The following ADAMTSL3 variants were observed in gnomAD, a reference collection of about 807,000 sequenced individuals.
ADAMTSL3 encodes the protein ADAMTS-like protein 3.
A neutral mutation model predicts 201.7 loss-of-function variants in ADAMTSL3; 128 were observed. The observed-to-expected ratio is 0.63, with a 90% CI of 0.55 to 0.73. The LOEUF (loss-of-function observed/expected upper bound fraction) is 0.73, where lower values mean the gene tolerates loss of function less well. Ranked by LOEUF, ADAMTSL3 falls within the 30% of genes least tolerant of loss-of-function variation. The probability of loss-of-function intolerance (pLI) is 0.00; values close to 1 mark genes in which losing one functional copy is unlikely to be tolerated. For synonymous variants in ADAMTSL3, 738 were observed against 748.4 expected (o/e 0.99, Z 0.23); for missense variants, 1,990 against 2,119.6 (o/e 0.94, Z 1.20).
At chr15:83,740,380 A>G (rs1190108386) in intron 3 of ADAMTSL3, among the ~76,000 whole-genome samples, 2 of 152,222 alleles carry the variant, frequency 1.3e-5, no homozygotes, top group Admixed American at 6.5e-5. Context: ...CACCAAATCT[A>G]TCCATTTGGA....
At chr15:83,979,360 T>C (rs2067345762) in intron 20 of ADAMTSL3, among the ~76,000 whole-genome samples, 1 of 152,238 alleles carries the variant, frequency 6.6e-6, no homozygotes, top group Non-Finnish European at 1.5e-5. Context: ...GAAAGGCCCA[T>C]AGCCAGACAG....
At chr15:83,780,308 G>A (rs1428381879) in intron 4 of ADAMTSL3, among the ~76,000 whole-genome samples, 1 of 151,864 alleles carries the variant, frequency 6.6e-6, no homozygotes, top group African/African-American at 2.4e-5. Flanking sequence ...TACTTGGGAG[G>A]CTGAGGCAGG....
At chr15:83,801,637 AATATATAAATATAAATAT>A (rs1279585484) in intron 4 of ADAMTSL3, among the ~76,000 whole-genome samples, 2 of 53,344 alleles carry the variant, frequency 3.7e-5, no homozygotes, top group African/African-American at 7.4e-5. Flanking sequence ...TATATATATA[AATATATAAATATAAATAT>A]ATATATATAT....
chr15:83,924,273 A>G (rs559407651), intron 17 of ADAMTSL3, among the ~76,000 whole-genome samples: 1 of 152,356 alleles, frequency 6.6e-6, no homozygotes, highest in African/African-American at 2.4e-5. Flanking sequence ...ACACGAATGA[A>G]CATAAACTGG....
chr15:83,758,587 A>C (rs1052998508), intron 3 of ADAMTSL3, among the ~76,000 whole-genome samples: 2 of 152,212 alleles, frequency 1.3e-5, no homozygotes, highest in African/African-American at 4.8e-5. Flanking sequence ...AATGGGTATG[A>C]AGTGGTATCT....
chr15:83,781,774 A>G (rs933167253), intron 4 of ADAMTSL3, among the ~76,000 whole-genome samples: 1 of 152,226 alleles, frequency 6.6e-6, no homozygotes, highest in African/African-American at 2.4e-5. Context: ...AAGGACATGA[A>G]CAGACATTTT....
intron 2 of ADAMTSL3, among the ~76,000 whole-genome samples, chr15:83,663,621 G>T (rs1335523727): frequency 6.6e-6 from 1 of 152,186 alleles, no homozygotes; most frequent in Non-Finnish European, 1.5e-5. Flanking sequence ...TCAGTTCTGT[G>T]TAGAGCTTTT....
chr15:83,691,378 G>C (rs2061605447), intron 2 of ADAMTSL3, among the ~76,000 whole-genome samples: 1 of 152,068 alleles, frequency 6.6e-6, no homozygotes, highest in Non-Finnish European at 1.5e-5. Context: ...GTAAGACCTG[G>C]AGACCTGAAA....
intron 4 of ADAMTSL3, among the ~76,000 whole-genome samples, chr15:83,780,252 A>G (rs2063145432): frequency 6.6e-6 from 1 of 152,052 alleles, no homozygotes; most frequent in Non-Finnish European, 1.5e-5. Context: ...TCTATTAAAA[A>G]TACAAAAATT....
At chr15:84,032,896 G>A (rs548239027) in intron 28 of ADAMTSL3, among the ~76,000 whole-genome samples, 1 of 152,120 alleles carries the variant, frequency 6.6e-6, no homozygotes, top group Admixed American at 6.6e-5. Context: ...TGCTCATTTT[G>A]ATGCTATCAA....
rs561148839 is a variant in ADAMTSL3 at position 83,727,641 on chromosome 15, A to T, written c.189+23133A>T. Among the ~76,000 whole-genome samples, 8 of 152,144 alleles carry T rather than the reference A, an allele frequency of 5.3e-5. No homozygotes were observed. The East Asian group carries it at 1.3e-3, about 26-fold the overall frequency. ...ATTGACCCACTGGTCATTCAGAAGC[A>T]TATTGTTTAATTTCCATGTGTTTGC... On this transcript the variant is annotated intron_variant, in intron 3 of 29. Transcript: ENST00000286744.
chr15:83,661,870 G>A (rs1324481160), intron 2 of ADAMTSL3, among the ~76,000 whole-genome samples: 3 of 147,728 alleles, frequency 2.0e-5, no homozygotes, highest in Non-Finnish European at 3.0e-5. Flanking sequence ...AAACCACTAT[G>A]AGATACCACC....
intron 2 of ADAMTSL3, among the ~76,000 whole-genome samples, chr15:83,656,501 G>A (rs1167461750): frequency 6.6e-6 from 1 of 152,192 alleles, no homozygotes; most frequent in Non-Finnish European, 1.5e-5. Flanking sequence ...ATAAGCCCAG[G>A]ATTGCCAGAT....
chr15:83,714,864 CCCTCCCTCCCTCCCTTCCTTCCTTCCTT>C (rs1157248393), intron 3 of ADAMTSL3, among the ~76,000 whole-genome samples: 5,412 of 82,282 alleles, frequency 0.066, 503 homozygotes, highest in South Asian at 0.19. Context: ...CTCCCTCCCT[CCCTCCCTCCCTCCCTTCCTTCCTTCCTT>C]CCTTCCTTCC....
Position 83,858,837 on chromosome 15 carries a change from C to T in ADAMTSL3, c.799C>T (p.Leu267Phe). ...AATTACAGTGAAAGGACCTGCCCAC[C>T]TCTGTAAGTAGAATTTAATCTTAAC... ...VRITVKGPAH[L>F]FIESKTLQGS... The change falls in exon 8 of 30, where the codon CTC (leucine) becomes TTC (phenylalanine). Residue 267 changes from leucine to phenylalanine, a missense_variant. By Grantham distance (22) the Leu-to-Phe change is conservative (BLOSUM62 0). Transcript: ENST00000286744. The T allele has an allele frequency of 6.2e-7, 1 of 1,605,844 alleles. No individual in the cohort carries two copies. The highest frequency in any genetic ancestry group is 2.2e-5 in the East Asian group (1 of 44,808).
chr15:83,670,258 C>CAAAAAAA (rs60947988), intron 2 of ADAMTSL3, among the ~76,000 whole-genome samples: 4 of 64,518 alleles, frequency 6.2e-5, no homozygotes, highest in Non-Finnish European at 8.1e-5. Flanking sequence ...ACTCTGTCTC[C>CAAAAAAA]AAAAAAAAAA....
intron 2 of ADAMTSL3, among the ~76,000 whole-genome samples, chr15:83,701,368 A>G (rs2061774941): frequency 6.6e-6 from 1 of 152,172 alleles, no homozygotes; most frequent in African/African-American, 2.4e-5. Context: ...TAGCAAGTCC[A>G]TTGGGTCATC....
At chr15:83,734,313 A>G (rs915981525) in intron 3 of ADAMTSL3, among the ~76,000 whole-genome samples, 3 of 152,164 alleles carry the variant, frequency 2.0e-5, no homozygotes, top group Admixed American at 1.3e-4. Context: ...TGAGTTACCT[A>G]TTATGTGAAT....
chr15:84,026,931 A>C (rs2068321889), intron 27 of ADAMTSL3, among the ~76,000 whole-genome samples: 1 of 152,242 alleles, frequency 6.6e-6, no homozygotes, highest in Admixed American at 6.5e-5. Flanking sequence ...ATTGGACTGC[A>C]TCAAAATTAA....
Sources: gnomAD v4.1 joint callset for allele counts (sites outside exome capture counted in the v4.1 genomes callset) on GRCh38, gnomAD v4.1.1 for gene constraint, MANE v1.5 for transcripts, NCBI Gene and HGNC (gene_info 2026-07-23, HGNC 2026-07-21) for gene names.